The following RBFOX1 variants were observed in gnomAD, a reference collection of about 807,000 sequenced individuals.
RBFOX1 encodes the protein RNA binding protein fox-1 homolog 1.
Under a neutral mutation model 57.7 loss-of-function variants are expected in RBFOX1, and 8 were observed. That is an observed-to-expected ratio of 0.14 (90% CI 0.08 to 0.25). RBFOX1 has a LOEUF of 0.25. RBFOX1 is among the 10% of genes least tolerant of loss of function. RBFOX1 has a pLI of 1.00. For missense variants in RBFOX1, 611 were observed against 548.5 expected (o/e 1.11, Z -1.14); for synonymous variants, 326 against 222.4 (o/e 1.47, Z -4.15).
chr16:5,900,863 A>T (rs1403702813), intron 4 of RBFOX1, among the ~76,000 whole-genome samples: 1 of 152,170 alleles, frequency 6.6e-6, no homozygotes. Context: ...CAGAGCCCCT[A>T]TTCCAAAAAA....
chr16:6,838,771 C>T (rs1160771126), intron 3 of RBFOX1, among the ~76,000 whole-genome samples: 1 of 152,142 alleles, frequency 6.6e-6, no homozygotes, highest in Non-Finnish European at 1.5e-5. Flanking sequence ...CAATTAGTGT[C>T]ATACAAATGT....
intron 4 of RBFOX1, among the ~76,000 whole-genome samples, chr16:7,517,089 C>G (rs1202194875): frequency 6.6e-6 from 1 of 151,336 alleles, no homozygotes; most frequent in African/African-American, 2.4e-5. Context: ...GTGATCCCAT[C>G]TCCTGAGACC....
At chr16:5,354,416 C>G (rs894567629) in intron 1 of RBFOX1, among the ~76,000 whole-genome samples, 2 of 152,136 alleles carry the variant, frequency 1.3e-5, no homozygotes, top group Non-Finnish European at 2.9e-5. Context: ...GGCCATGTGA[C>G]CTTAGGCAAG....
chr16:5,988,061 T>A lies in RBFOX1; in HGVS notation c.351+120726T>A, dbSNP rs558683645. On this transcript the variant is annotated intron_variant, in intron 4 of 19. Coordinates refer to the RBFOX1 transcript ENST00000641259. Reference sequence around the variant, plus strand: ...CTCTAGTTTGATTTTTGAGTGGCTGTCTCTACATACATGTGCTCCCGACAT... The same window carrying A: ...CTCTAGTTTGATTTTTGAGTGGCTGACTCTACATACATGTGCTCCCGACAT... 5.3e-5 allele frequency among the ~76,000 whole-genome samples: 8 copies of A among 152,270 alleles called. No homozygotes were observed. In the East Asian group the frequency reaches 1.5e-3, roughly 29 times the overall value.
intron 4 of RBFOX1, among the ~76,000 whole-genome samples, chr16:7,400,616 C>A (rs1373271489): frequency 6.6e-6 from 1 of 152,214 alleles, no homozygotes; most frequent in Non-Finnish European, 1.5e-5. Flanking sequence ...TGGTATTGCT[C>A]CTAACCCCTT....
At chr16:7,557,847 G>A (rs1351304802) in intron 5 of RBFOX1, among the ~76,000 whole-genome samples, 1 of 151,830 alleles carries the variant, frequency 6.6e-6, no homozygotes, top group Non-Finnish European at 1.5e-5. Context: ...TTTCCATGGT[G>A]CAAATACTCC....
chr16:5,655,790 A>G (rs2049407660), intron 3 of RBFOX1, among the ~76,000 whole-genome samples: 3 of 152,232 alleles, frequency 2.0e-5, no homozygotes, highest in Admixed American at 1.3e-4. Flanking sequence ...TGACTTTGCC[A>G]GCAGTATGAA....
chr16:6,539,124 GA>G (rs36099923), intron 2 of RBFOX1, among the ~76,000 whole-genome samples: 11 of 148,554 alleles, frequency 7.4e-5, no homozygotes, highest in Middle Eastern at 3.5e-3. Context: ...GATATTTGGT[GA>G]AAAAAAAAAA....
chr16:7,151,813 C>G (rs1400181916), intron 4 of RBFOX1, among the ~76,000 whole-genome samples: 1 of 152,026 alleles, frequency 6.6e-6, no homozygotes, highest in Non-Finnish European at 1.5e-5. Flanking sequence ...TTCTCATAAG[C>G]CACATGCAAC....
chr16:6,135,384 G>A (rs1431782573), intron 1 of RBFOX1, among the ~76,000 whole-genome samples: 1 of 152,194 alleles, frequency 6.6e-6, no homozygotes, highest in African/African-American at 2.4e-5. Flanking sequence ...AGAATTCAGT[G>A]CAGGTATTAT....
intron 4 of RBFOX1, among the ~76,000 whole-genome samples, chr16:6,009,150 T>A (rs1244925132): frequency 6.6e-6 from 1 of 151,972 alleles, no homozygotes; most frequent in Non-Finnish European, 1.5e-5. Context: ...GAGCCTCTTG[T>A]GCACACGGGT....
chr16:6,312,804 A>G (rs886190287), intron 1 of RBFOX1, among the ~76,000 whole-genome samples: 1 of 150,936 alleles, frequency 6.6e-6, no homozygotes, highest in East Asian at 2.0e-4. Context: ...TCCTTGGGTA[A>G]ATATTTACTG....
intron 2 of RBFOX1, among the ~76,000 whole-genome samples, chr16:6,639,302 A>G (rs149829881): frequency 0.017 from 2,599 of 152,256 alleles, 45 homozygotes; most frequent in Non-Finnish European, 0.029. Flanking sequence ...GAAATATTCA[A>G]TTAAATAGTT....
At chr16:7,486,243 C>T (rs2065355768) in intron 4 of RBFOX1, among the ~76,000 whole-genome samples, 1 of 151,294 alleles carries the variant, frequency 6.6e-6, no homozygotes, top group African/African-American at 2.4e-5. Context: ...CTGCCTCAGC[C>T]TCCTGAGTAG....
intron 2 of RBFOX1, among the ~76,000 whole-genome samples, chr16:5,504,895 C>T (rs74004348): frequency 0.096 from 14,642 of 152,102 alleles, 2,304 homozygotes; most frequent in African/African-American, 0.33. Context: ...TCAGACTAGG[C>T]AGATCTGTAG....
chr16:7,480,671 G>T (rs910156470), intron 4 of RBFOX1, among the ~76,000 whole-genome samples: 3 of 152,208 alleles, frequency 2.0e-5, no homozygotes, highest in Admixed American at 1.3e-4. Flanking sequence ...TGAGAGCTGT[G>T]TATGGAGCTG....
At position 6,164,538 on chromosome 16, in the gene RBFOX1, C is replaced by T. The variant is rs193247504; in HGVS notation, c.-127+144546C>T. On this transcript the variant is annotated intron_variant, in intron 1 of 15. Coordinates refer to ENST00000550418, the MANE Select transcript of RBFOX1 (RefSeq NM_018723.4). ...ATGGAGTGCAGTGGTGCTATCTCGG[C>T]CCACTGCAACCTCTGCCTCTCAGAT... Among the ~76,000 whole-genome samples, 160 of 150,660 alleles carry T rather than the reference C, an allele frequency of 1.1e-3. 1 individual carries two copies. The East Asian group carries it at 0.028, about 26-fold the overall frequency.
At chr16:6,932,387 A>G (rs370427459) in intron 3 of RBFOX1, among the ~76,000 whole-genome samples, 14 of 152,298 alleles carry the variant, frequency 9.2e-5, no homozygotes, top group African/African-American at 3.4e-4. Flanking sequence ...GATTACATGC[A>G]TGAGCCACCA....
intron 4 of RBFOX1, among the ~76,000 whole-genome samples, chr16:7,187,460 C>CAGGT (rs2084143117): frequency 6.6e-6 from 1 of 151,142 alleles, no homozygotes; most frequent in African/African-American, 2.4e-5. Context: ...GAGGCCAAGG[C>CAGGT]GGGCTAATCA....
Sources: gnomAD v4.1 joint callset for allele counts (sites outside exome capture counted in the v4.1 genomes callset) on GRCh38, gnomAD v4.1.1 for gene constraint, MANE v1.5 for transcripts, NCBI Gene and HGNC (gene_info 2026-07-23, HGNC 2026-07-21) for gene names.